PAIP2: variants seen among roughly 807,000 people sequenced by gnomAD.
PAIP2 encodes polyadenylate-binding protein-interacting protein 2.
A neutral mutation model predicts 14.8 loss-of-function variants in PAIP2; 7 were observed. That is an observed-to-expected ratio of 0.47 (90% CI 0.27 to 0.89). PAIP2 has a LOEUF of 0.89. PAIP2 is among the 40% of genes least tolerant of loss of function. The probability of loss-of-function intolerance (pLI) is 0.13; values close to 1 mark genes in which losing one functional copy is unlikely to be tolerated. For missense variants in PAIP2, 122 were observed against 154.7 expected, an observed-to-expected ratio of 0.79 and a Z score of 1.12; for synonymous variants, 47 against 45.3, an observed-to-expected ratio of 1.04 and a Z score of -0.15.
intron 1 of PAIP2, among the ~76,000 whole-genome samples, chr5:139,348,756 C>T (rs1228169926): frequency 6.6e-6 from 1 of 151,242 alleles, no homozygotes; most frequent in African/African-American, 2.4e-5. Flanking sequence ...TGGCTCACTG[C>T]AACCTCTGCC....
chr5:139,346,038 G>A (rs1463523140), intron 1 of PAIP2, among the ~76,000 whole-genome samples: 1 of 152,124 alleles, frequency 6.6e-6, no homozygotes, highest in Non-Finnish European at 1.5e-5. Flanking sequence ...AAAGGACACT[G>A]CTGGAAACCA....
intron 1 of PAIP2, among the ~76,000 whole-genome samples, chr5:139,355,964 C>T (rs1202200013): frequency 6.6e-6 from 1 of 151,954 alleles, no homozygotes; most frequent in African/African-American, 2.4e-5. Context: ...GGTGAAAACC[C>T]TGTCTCTACT....
At chr5:139,359,340 T>C (rs1017088095) in intron 1 of PAIP2, among the ~76,000 whole-genome samples, 1 of 152,096 alleles carries the variant, frequency 6.6e-6, no homozygotes, top group East Asian at 2.0e-4. Context: ...GGTTTCGCCA[T>C]GTTGGCCAGG....
intron 1 of PAIP2, among the ~76,000 whole-genome samples, chr5:139,358,757 TGAGAA>T (rs1484947278): frequency 1.3e-5 from 2 of 152,170 alleles, no homozygotes; most frequent in Admixed American, 6.5e-5. Flanking sequence ...AAGCCAGACA[TGAGAA>T]GAGGACACAT....
intron 1 of PAIP2, among the ~76,000 whole-genome samples, chr5:139,361,985 A>G (rs1230228003): frequency 6.6e-6 from 1 of 151,830 alleles, no homozygotes; most frequent in Non-Finnish European, 1.5e-5. Context: ...ACAGTGAGGA[A>G]CTCCAGACAT....
intron 1 of PAIP2, among the ~76,000 whole-genome samples, chr5:139,359,331 G>T (rs1396523347): frequency 6.6e-6 from 1 of 151,948 alleles, no homozygotes; most frequent in Non-Finnish European, 1.5e-5. Flanking sequence ...TAGAGACAGG[G>T]TTTCGCCATG....
At chr5:139,345,023 G>T (rs1406244939) in intron 1 of PAIP2, among the ~76,000 whole-genome samples, 1 of 152,088 alleles carries the variant, frequency 6.6e-6, no homozygotes, top group East Asian at 1.9e-4. Flanking sequence ...TGGTTCCAGA[G>T]CCCATGGGTT....
intron 1 of PAIP2, among the ~76,000 whole-genome samples, chr5:139,347,381 C>A (rs1445628716): frequency 6.7e-6 from 1 of 148,838 alleles, no homozygotes. Flanking sequence ...TCAAGCGATT[C>A]TCCTGCCTCA....
chr5:139,364,913 G>C, intron 3 of PAIP2, 170 bp downstream of exon 3: 1 of 478,960 alleles, frequency 2.1e-6, no homozygotes, highest in Non-Finnish European at 3.7e-6. Flanking sequence ...GGGAGGCCGA[G>C]GCAGGCAGTT....
chr5:139,350,422 G>A (rs1051618798), intron 1 of PAIP2, among the ~76,000 whole-genome samples: 1 of 151,944 alleles, frequency 6.6e-6, no homozygotes, highest in Non-Finnish European at 1.5e-5. Flanking sequence ...CATGAGGTCA[G>A]GAGTTGGAGA....
chr5:139,368,616 C>A, intron 3 of PAIP2, 117 bp from the exon 4 acceptor site: 1 of 702,636 alleles, frequency 1.4e-6, no homozygotes, highest in Non-Finnish European at 2.5e-6. Flanking sequence ...TATAGTCTTA[C>A]AGACTGAGTT....
Sources: gnomAD v4.1 joint callset for allele counts (sites outside exome capture counted in the v4.1 genomes callset) on GRCh38, gnomAD v4.1.1 for gene constraint, MANE v1.5 for transcripts, NCBI Gene and HGNC (gene_info 2026-07-23, HGNC 2026-07-21) for gene names.